Variants in TRIM65 observed in about 807,000 individuals in gnomAD.
The protein encoded by TRIM65 is E3 ubiquitin-protein ligase TRIM65.
Under a neutral mutation model 36.1 loss-of-function variants are expected in TRIM65, and 46 were observed. The observed-to-expected ratio is 1.27, with a 90% confidence interval of 1.01 to 1.63. TRIM65 has a LOEUF of 1.63. Among genes scored for constraint, TRIM65 ranks in the 40% most tolerant of loss-of-function variants. TRIM65 has a pLI of 0.00. For missense variants in TRIM65, 708 were observed against 696.6 expected (o/e 1.02, Z -0.18); for synonymous variants, 346 against 313.6 (o/e 1.10, Z -1.09).
At position 75,892,480 on chromosome 17, in the gene TRIM65, G is replaced by A. The variant is rs745352531; in HGVS notation, c.531C>T (p.Ala177=). ...SQIQNSACIL[A]SWVSGKFSSL... ...TGCTGAACTTGCCGGAGACCCAGGA[G>A]GCCAAGATGCAGGCCGAGTTCTGGG... Residue 177 remains alanine (A), a synonymous_variant, in exon 3 of 6, where the codon GCC becomes GCT. Transcript: ENST00000269383. The A allele has an allele frequency of 6.2e-7, 1 of 1,613,998 alleles. No individual in the cohort carries two copies. The highest frequency in any genetic ancestry group is 8.5e-7 in the Non-Finnish European group (1 of 1,179,932).
chr17:75,886,163 G>A (rs1267537323), downstream of TRIM65, among the ~76,000 whole-genome samples: 2 of 152,130 alleles, frequency 1.3e-5, no homozygotes, highest in Admixed American at 1.3e-4. Context: ...ACATGCCTTT[G>A]CTCCTCCTTC....
At chr17:75,896,014 G>GC (rs1019805426) in intron 1 of TRIM65, among the ~76,000 whole-genome samples, 3 of 152,208 alleles carry the variant, frequency 2.0e-5, no homozygotes, top group Admixed American at 6.5e-5. Context: ...TGTGTCACTG[G>GC]CCGGGCTGCA....
Position 75,892,197 on chromosome 17 carries a change from G to T in TRIM65, c.745-12C>A. The stretch of plus-strand genomic sequence containing the variant: ...AGGAGCTGCGATTCCTGAGCCCCAG[G>T]GAGAACAAGTAAGCCTGGGCCTGAG... On this transcript the variant is annotated splice_polypyrimidine_tract_variant and intron_variant, in intron 3 of 5. Coordinates refer to ENST00000269383, the MANE Select transcript of TRIM65 (RefSeq NM_173547.4). 1.3e-6 allele frequency: 2 copies of T among 1,576,976 alleles called. No individual in the cohort carries two copies.
At chr17:75,886,857 C>G (rs1163938437), downstream of TRIM65, among the ~76,000 whole-genome samples, 1 of 152,176 alleles carries the variant, frequency 6.6e-6, no homozygotes, top group East Asian at 1.9e-4. Flanking sequence ...TGCCTTTTCC[C>G]TCGATACCAG....
chr17:75,892,845 C>G lies in TRIM65; in HGVS notation c.420G>C (p.Gln140His). 1 of 1,602,056 alleles carries G rather than the reference C, an allele frequency of 6.2e-7. No homozygotes were observed. Among genetic ancestry groups the G allele is most frequent in the Non-Finnish European group, 8.5e-7 (1 of 1,179,864 alleles). The change falls in exon 2 of 6, where the codon CAG becomes CAC. Residue 140 changes from glutamine to histidine, a missense_variant. Transcript: ENST00000269383. ...LDAERLKREA[Q>H]LRASLEVTQQ... ...GGGTAACCTCCAGGCTGGCTCTCAG[C>G]TGGGCCTGTGGTGCGGGCCCACGGG...
At chr17:75,891,370 A>G (rs763127075) in intron 5 of TRIM65, 23 bp from the exon 6 acceptor site, 1 of 1,611,624 alleles carries the variant, frequency 6.2e-7, no homozygotes, top group South Asian at 1.1e-5. Flanking sequence ...GGAGGACAGC[A>G]GTGGGCTGGG....
chr17:75,893,665 G>C (rs2065305040), intron 1 of TRIM65, among the ~76,000 whole-genome samples: 1 of 152,096 alleles, frequency 6.6e-6, no homozygotes, highest in East Asian at 1.9e-4. Context: ...TTGATAATTT[G>C]GTCAAAGTCC....
chr17:75,892,994 G>A (rs566701771), intron 1 of TRIM65, 144 bp from the exon 2 acceptor site: 49 of 696,724 alleles, frequency 7.0e-5, no homozygotes, highest in East Asian at 3.3e-4. Context: ...CACCGGCCTC[G>A]GTCTAACCCA....
intron 1 of TRIM65, among the ~76,000 whole-genome samples, chr17:75,894,626 T>A (rs2065319774): frequency 6.6e-6 from 1 of 152,194 alleles, no homozygotes; most frequent in Non-Finnish European, 1.5e-5. Flanking sequence ...GCCTCCCGGG[T>A]TCACGCCATT....
Position 75,882,093 on chromosome 17 carries a change from C to T in TRIM65, c.350-1464G>A, listed in dbSNP as rs564446108. ...GGAGGGGGTGCCTTTCCGGTTGGGTCCCAGCCAACCCTCTGCTCCCCACCC... is the reference window on the plus strand; with the variant it reads ...GGAGGGGGTGCCTTTCCGGTTGGGTTCCAGCCAACCCTCTGCTCCCCACCC... On this transcript the variant is annotated intron_variant, in intron 4 of 4. Coordinates refer to the TRIM65 transcript ENST00000591668. 2.5e-4 allele frequency among the ~76,000 whole-genome samples: 38 copies of T among 150,586 alleles called. No homozygotes were observed. In the South Asian group the frequency reaches 7.5e-3, roughly 30 times the overall value.
At chr17:75,885,381 A>G (rs113422396), downstream of TRIM65, among the ~76,000 whole-genome samples, 1,789 of 152,286 alleles carry the variant, frequency 0.012, 34 homozygotes, top group African/African-American at 0.04. Flanking sequence ...GGCTCCAGCA[A>G]TCCTCCCAGT....
chr17:75,888,707 G>A (rs1372485450), downstream of TRIM65, among the ~76,000 whole-genome samples: 1 of 152,168 alleles, frequency 6.6e-6, no homozygotes, highest in Middle Eastern at 3.2e-3. Flanking sequence ...CTGGCTGTGG[G>A]GCTGCACATG....
In TRIM65 at chr17:75,890,880, G is replaced by C; in HGVS notation, c.1453C>G (p.Leu485Val). 1 of 1,531,708 alleles carries C rather than the reference G, an allele frequency of 6.5e-7. No individual in the cohort carries two copies. Among genetic ancestry groups the C allele is most frequent in the Non-Finnish European group, 8.8e-7 (1 of 1,142,828 alleles). 94.9% of individuals were successfully genotyped at this position (1,531,708 alleles called of 1,614,324 possible). A position where few individuals can be genotyped will look rare whatever the true frequency, so the allele number is the denominator to read the frequency against. ...TCGAGGAGCCAGAAGACGGGGGTGA[G>C]GGGCTGGTTGAAGAGGGCATGGAAG... ...YTFHALFNQP[L>V]TPVFWLLEGR... Residue 485 changes from leucine to valine, a missense_variant, in exon 6 of 6, where the codon CTC becomes GTC. Coordinates refer to ENST00000269383, the MANE Select transcript of TRIM65 (RefSeq NM_173547.4).
At chr17:75,891,975 C>T in intron 4 of TRIM65, 36 bp downstream of exon 4, 4 of 1,554,824 alleles carry the variant, frequency 2.6e-6, no homozygotes. Context: ...GCAGCTGGAC[C>T]CAGGACAGCA....
intron 4 of TRIM65, among the ~76,000 whole-genome samples, chr17:75,883,855 T>C (rs2065186481): frequency 2.0e-5 from 3 of 152,144 alleles, no homozygotes; most frequent in Admixed American, 2.0e-4. Context: ...ATTTGGTTTG[T>C]ATGAATGTCA....
Position 75,891,147 on chromosome 17 carries a change from T to A in TRIM65, c.1186A>T (p.Thr396Ser), listed in dbSNP as rs1297598178. The A allele has an allele frequency of 1.2e-6, 2 of 1,608,600 alleles. No individual in the cohort carries two copies. Among genetic ancestry groups the A allele is most frequent in the Admixed American group, 3.3e-5 (2 of 60,022 alleles). Residue 396 changes from threonine (T) to serine (S), a missense_variant, in exon 6 of 6, where the codon ACA (threonine) becomes TCA (serine). Transcript: ENST00000269383. ...WEVRASDHSV[T>S]LGVSYPQLPR... ...AGTTGCGGGTAGGAGACGCCCAGTG[T>A]CACCGAGTGGTCTGACGCGCGCACC...
intron 1 of TRIM65, among the ~76,000 whole-genome samples, chr17:75,893,782 C>T (rs1362082394): frequency 2.0e-5 from 3 of 152,114 alleles, no homozygotes; most frequent in African/African-American, 4.8e-5. Context: ...CCAACCCTCC[C>T]CCAGGGACAG....
In TRIM65 at chr17:75,891,871, T is replaced by A. The variant is rs1170861528; in HGVS notation, c.927A>T (p.Pro309=). Residue 309 remains proline, a synonymous_variant, in exon 5 of 6, where the codon CCA becomes CCT. Transcript: ENST00000269383. ...KPVDLAPVEA[P]GPLAPVPSTV... ...TGCTTGGGACCGGTGCCAGGGGACC[T>A]GGGGCCTCTAGGGGGCAAAGCAGTG... 1.9e-6 allele frequency: 3 copies of A among 1,611,878 alleles called. No individual in the cohort carries two copies. The highest frequency in any genetic ancestry group is 2.5e-6 in the Non-Finnish European group (3 of 1,179,014).
chr17:75,880,976 T>C (rs2065165320), intron 4 of TRIM65, among the ~76,000 whole-genome samples: 1 of 150,264 alleles, frequency 6.7e-6, no homozygotes. Flanking sequence ...CCGGGTGTGG[T>C]GGCTCACGCC....
Sources: allele counts gnomAD v4.1 joint callset (sites outside exome capture counted in the v4.1 genomes callset), GRCh38; gene constraint gnomAD v4.1.1; transcripts MANE v1.5; gene names NCBI Gene and HGNC (gene_info 2026-07-23, HGNC 2026-07-21).